WDR93: variants seen among roughly 807,000 people sequenced by gnomAD.
WDR93 encodes the protein WD repeat-containing protein 93.
Under a neutral mutation model 82.9 loss-of-function variants are expected in WDR93, and 73 were observed. The observed-to-expected ratio is 0.88, with a 90% CI of 0.73 to 1.07. WDR93 has a LOEUF of 1.07. WDR93 is among the 50% of genes least tolerant of loss of function. The pLI, the probability that WDR93 is intolerant of heterozygous loss-of-function variation, is 0.00. For missense variants in WDR93, 738 were observed against 826.0 expected (o/e 0.89, Z 1.31); for synonymous variants, 283 against 300.1 (o/e 0.94, Z 0.59).
intron 1 of WDR93, among the ~76,000 whole-genome samples, chr15:89,697,863 A>C (rs1161665429): frequency 6.6e-6 from 1 of 150,632 alleles, no homozygotes; most frequent in African/African-American, 2.4e-5. Flanking sequence ...CACTTGATCA[A>C]TTGACACTTT....
rs564592952 is a variant in WDR93 at position 89,741,985 on chromosome 15, T to C, written c.1962-1307T>C. Among the ~76,000 whole-genome samples, 8 of 152,304 alleles carry C rather than the reference T, an allele frequency of 5.3e-5. No individual in the cohort carries two copies. The East Asian group carries it at 1.5e-3, about 29-fold the overall frequency. ...CCAGGATGGTATCGATCTCTTGACC[T>C]TGTGATCCACCCGCCTTGGCCTCCC... On this transcript the variant is annotated intron_variant, in intron 16 of 16. Transcript: ENST00000268130.
At chr15:89,735,948 G>A (rs541242983) in intron 14 of WDR93, among the ~76,000 whole-genome samples, 23 of 152,300 alleles carry the variant, frequency 1.5e-4, no homozygotes, top group South Asian at 1.5e-3. Context: ...AGAGCACCAC[G>A]TGTCCCGGGC....
intron 1 of WDR93, among the ~76,000 whole-genome samples, chr15:89,693,784 A>T (rs952039318): frequency 3.3e-5 from 5 of 152,232 alleles, no homozygotes; most frequent in African/African-American, 1.2e-4. Context: ...TATGGCAAGA[A>T]TGATAACATC....
chr15:89,736,831 G>A (rs543504644), intron 14 of WDR93, among the ~76,000 whole-genome samples: 30 of 147,680 alleles, frequency 2.0e-4, no homozygotes, highest in African/African-American at 6.0e-4. Context: ...TCGCTCTGCC[G>A]CCCAGGCTGG....
chr15:89,730,340 A>G lies in WDR93; in HGVS notation c.1210+571A>G, dbSNP rs11853185. ...ACTATCTCAAAAAAAAAAAAAAAAA[A>G]AAAGAGAGAGATTGAGAAAGTAGGC... is the stretch of plus-strand genomic sequence containing the variant. On this transcript the variant is annotated intron_variant, in intron 11 of 16. Transcript: ENST00000268130. 7.9e-3 allele frequency among the ~76,000 whole-genome samples: 1,125 copies of G among 141,674 alleles called. 18 individuals carry two copies. Among genetic ancestry groups the G allele is most frequent in the African/African-American group, 0.027 (1,020 of 37,376 alleles). The allele number at this position is 141,674 out of a possible 152,430, so 92.9% of individuals were successfully genotyped here. A position where few individuals can be genotyped will look rare whatever the true frequency, so the allele number is the denominator to read the frequency against.
At chr15:89,733,429 G>T (rs893583331) in intron 13 of WDR93, among the ~76,000 whole-genome samples, 1 of 152,066 alleles carries the variant, frequency 6.6e-6, no homozygotes, top group Non-Finnish European at 1.5e-5. Flanking sequence ...CATCTGCTAT[G>T]GTTTGACTCT....
At chr15:89,742,896 T>C (rs895696254) in intron 16 of WDR93, among the ~76,000 whole-genome samples, 22 of 152,206 alleles carry the variant, frequency 1.4e-4, no homozygotes, top group Non-Finnish European at 2.8e-4. Context: ...AATCATACAG[T>C]GTGTCTTTTT....
At chr15:89,716,232 G>T (rs1567112605) in intron 6 of WDR93, among the ~76,000 whole-genome samples, 1 of 152,076 alleles carries the variant, frequency 6.6e-6, no homozygotes. Flanking sequence ...GTTATTATTT[G>T]TATGTATTTT....
intron 5 of WDR93, among the ~76,000 whole-genome samples, chr15:89,712,320 G>T (rs1729230836): frequency 6.8e-6 from 1 of 147,276 alleles, no homozygotes; most frequent in East Asian, 2.0e-4. Flanking sequence ...CTAAGCAAAT[G>T]ACATTGGTAC....
chr15:89,743,104 A>G (rs1198469775), intron 16 of WDR93, among the ~76,000 whole-genome samples, 188 bp from the exon 17 acceptor site: 1 of 152,154 alleles, frequency 6.6e-6, no homozygotes, highest in African/African-American at 2.4e-5. Context: ...TAGACCCATC[A>G]TTCCTCCAGG....
At chr15:89,694,421 G>A (rs2119604) in intron 1 of WDR93, among the ~76,000 whole-genome samples, 104,503 of 151,108 alleles carry the variant, frequency 0.69, 36,848 homozygotes, top group Non-Finnish European at 0.76. Flanking sequence ...TTTTTTAGTA[G>A]ACATGGGGTT....
chr15:89,729,369 G>A (rs768462974), intron 10 of WDR93, among the ~76,000 whole-genome samples: 21 of 152,102 alleles, frequency 1.4e-4, no homozygotes, highest in Non-Finnish European at 1.9e-4. Flanking sequence ...CTGGATATGA[G>A]TTTGTCTTGT....
chr15:89,731,623 A>T lies in WDR93; in HGVS notation c.1330+61A>T. On this transcript the variant is annotated intron_variant, in intron 12 of 16. Coordinates refer to ENST00000268130, the MANE Select transcript of WDR93 (RefSeq NM_020212.2). ...TGGGACTCTGGGCAATGAGTCTGGG[A>T]GCTCTGGAATTCCCACAGGCCCTGG... 9.3e-6 allele frequency: 15 copies of T among 1,606,096 alleles called. No individual in the cohort carries two copies. In the South Asian group the frequency reaches 1.7e-4, roughly 18 times the overall value.
intron 13 of WDR93, among the ~76,000 whole-genome samples, chr15:89,733,596 C>T (rs1414329689): frequency 6.6e-6 from 1 of 152,074 alleles, no homozygotes; most frequent in Non-Finnish European, 1.5e-5. Context: ...TAATGGGTAT[C>T]ATGGGAGTGG....
At chr15:89,697,065 C>G (rs776233670) in intron 1 of WDR93, among the ~76,000 whole-genome samples, 1 of 152,098 alleles carries the variant, frequency 6.6e-6, no homozygotes. Flanking sequence ...ACCTCCCTGG[C>G]TCAAGCAATC....
At chr15:89,724,792 T>C (rs556143983) in intron 8 of WDR93, among the ~76,000 whole-genome samples, 17 of 152,090 alleles carry the variant, frequency 1.1e-4, no homozygotes, top group Non-Finnish European at 2.1e-4. Flanking sequence ...ATGGGTAAAA[T>C]TAAAAAGACT....
At chr15:89,727,721 T>C (rs1335087455) in intron 9 of WDR93, among the ~76,000 whole-genome samples, 2 of 152,228 alleles carry the variant, frequency 1.3e-5, no homozygotes, top group Non-Finnish European at 2.9e-5. Context: ...AAATATAATT[T>C]ATTTCAGTTT....
In WDR93 at chr15:89,703,311, C is replaced by G; in HGVS notation, c.496+169C>G. The G allele has an allele frequency of 2.9e-6, 2 of 700,474 alleles. 1 individual carries two copies. The highest frequency in any genetic ancestry group is 4.7e-6 in the Non-Finnish European group (2 of 422,012). The allele number at this position is 700,474 out of a possible 1,614,324, so 43.4% of individuals were successfully genotyped here. ...GTATGGTGGGTCAGATACTGTTCTA[C>G]CATTTCACATGTGCTAGCCCATTTA... On this transcript the variant is annotated intron_variant, in intron 3 of 16. Coordinates refer to ENST00000268130, the MANE Select transcript of WDR93 (RefSeq NM_020212.2).
chr15:89,742,017 C>CT (rs1424376957), intron 16 of WDR93, among the ~76,000 whole-genome samples: 1 of 152,180 alleles, frequency 6.6e-6, no homozygotes, highest in Non-Finnish European at 1.5e-5. Context: ...TCCCAAAGTG[C>CT]TGGGATTACA....
Sources: allele counts gnomAD v4.1 joint callset (sites outside exome capture counted in the v4.1 genomes callset), GRCh38; gene constraint gnomAD v4.1.1; transcripts MANE v1.5; gene names NCBI Gene and HGNC (gene_info 2026-07-23, HGNC 2026-07-21).